MED19: variants seen among roughly 807,000 people sequenced by gnomAD.
The protein encoded by MED19 is mediator of RNA polymerase II transcription subunit 19.
A neutral mutation model predicts 19.9 loss-of-function variants in MED19; 4 were observed. The observed-to-expected ratio is 0.20, with a 90% CI of 0.10 to 0.46. The LOEUF is 0.46. Among genes scored for constraint, MED19 ranks in the 20% least tolerant of loss-of-function variants. MED19 has a pLI of 0.99. For synonymous variants in MED19, 139 were observed against 119.6 expected (o/e 1.16, Z -1.06); for missense variants, 303 against 318.7 (o/e 0.95, Z 0.38).
At chr11:57,706,397 G>A (rs1228854640) in intron 1 of MED19, among the ~76,000 whole-genome samples, 4 of 149,822 alleles carry the variant, frequency 2.7e-5, no homozygotes, top group Non-Finnish European at 5.9e-5. Flanking sequence ...GCCACCCCCC[G>A]CCGCCTCGGT....
In MED19 at chr11:57,704,291, C is replaced by T. The variant is rs1946481692; in HGVS notation, c.666+11G>A. The T allele has an allele frequency of 5.9e-6, 9 of 1,533,550 alleles. No individual in the cohort carries two copies. In the East Asian group the frequency reaches 2.0e-4, roughly 33 times the overall value. 95.0% of individuals were successfully genotyped at this position (1,533,550 alleles called of 1,614,324 possible). A position where few individuals can be genotyped will look rare whatever the true frequency, so the allele number is the denominator to read the frequency against. ...AACTCACTGGGTTGTGGCAATAGGC[C>T]TCTACTCTACCTTCTTTTTCTTCTT... is the stretch of plus-strand genomic sequence containing the variant. On this transcript the variant is annotated intron_variant, in intron 4 of 4. Coordinates refer to ENST00000431606, the Ensembl canonical transcript of MED19.
At chr11:57,712,028 G>A (rs1473121635) in exon 1 of MED19, 6 of 1,536,232 alleles carry the variant, frequency 3.9e-6, no homozygotes, top group Non-Finnish European at 4.4e-6. Context: ...GCCAGGAGGA[G>A]CCGTGGCCGC....
exon 1 of MED19, chr11:57,712,201 G>T: frequency 6.7e-7 from 1 of 1,495,730 alleles, no homozygotes. Context: ...CCCCGGCGCT[G>T]TCTCCGTGTC....
At chr11:57,711,671 G>C (rs1486318795) in intron 1 of MED19, among the ~76,000 whole-genome samples, 2 of 152,112 alleles carry the variant, frequency 1.3e-5, no homozygotes, top group African/African-American at 4.8e-5. Context: ...ATTTTTTAGA[G>C]AGACATAAAC....
chr11:57,709,289 G>C (rs1027587795), intron 1 of MED19, among the ~76,000 whole-genome samples: 2 of 152,020 alleles, frequency 1.3e-5, no homozygotes, highest in East Asian at 3.9e-4. Context: ...GCTGAGGCAG[G>C]AGAATCGCTT....
chr11:57,711,855 T>C, intron 1 of MED19, 108 bp downstream of exon 1: 2 of 1,226,712 alleles, frequency 1.6e-6, no homozygotes, highest in South Asian at 4.0e-5. Context: ...ACAGTCCGGG[T>C]ATGCGTTGCC....
At chr11:57,712,182 T>C in exon 1 of MED19, 1 of 1,519,756 alleles carries the variant, frequency 6.6e-7, no homozygotes, top group Non-Finnish European at 8.8e-7. Context: ...TTCTCCATCG[T>C]ACCCTCCGCC....
chr11:57,705,432 A>T (rs1363396222), intron 1 of MED19, among the ~76,000 whole-genome samples: 1 of 152,126 alleles, frequency 6.6e-6, no homozygotes, highest in Non-Finnish European at 1.5e-5. Context: ...CGGGTGGATC[A>T]CCAGGTCAGG....
chr11:57,710,439 T>TA (rs1946553682), intron 1 of MED19, among the ~76,000 whole-genome samples: 1 of 152,184 alleles, frequency 6.6e-6, no homozygotes, highest in Non-Finnish European at 1.5e-5. Flanking sequence ...AGCCTCTGCC[T>TA]AACTCTCCCA....
intron 1 of MED19, among the ~76,000 whole-genome samples, chr11:57,707,920 C>G (rs1176372308): frequency 6.6e-6 from 1 of 152,198 alleles, no homozygotes; most frequent in East Asian, 1.9e-4. Context: ...GCAATCTCTG[C>G]ATCCTGGGCT....
exon 2 of MED19, chr11:57,704,994 G>A: frequency 1.9e-6 from 3 of 1,613,764 alleles, no homozygotes; most frequent in Non-Finnish European, 2.5e-6. Context: ...GGAGGCGGAA[G>A]CCGGCCAGCA....
Position 57,704,413 on chromosome 11 carries a change from G to A in MED19, c.572-17C>T, listed in dbSNP as rs936334395. ...ATGGTGTTTCTGTAGGAGACATTAG[G>A]TACCTATCACCTGTAAAGCTCAAAA... On this transcript the variant is annotated splice_polypyrimidine_tract_variant and intron_variant, in intron 3 of 4. Coordinates refer to ENST00000431606, the Ensembl canonical transcript of MED19. The A allele has an allele frequency of 6.5e-7, 1 of 1,536,266 alleles. No individual in the cohort carries two copies. Among genetic ancestry groups the A allele is most frequent in the Admixed American group, 2.0e-5 (1 of 49,304 alleles).
intron 1 of MED19, among the ~76,000 whole-genome samples, chr11:57,709,715 T>C (rs896526899): frequency 6.6e-6 from 1 of 152,136 alleles, no homozygotes. Context: ...CATGCTGCTA[T>C]CCCTAGCTAA....
intron 1 of MED19, among the ~76,000 whole-genome samples, chr11:57,709,952 T>C (rs915953540): frequency 1.3e-5 from 2 of 152,228 alleles, no homozygotes; most frequent in African/African-American, 4.8e-5. Flanking sequence ...GTTCAAACCA[T>C]TATCTTTCCT....
chr11:57,704,931 T>C, intron 2 of MED19, 42 bp downstream of exon 2: 1 of 1,606,050 alleles, frequency 6.2e-7, no homozygotes, highest in South Asian at 1.1e-5. Flanking sequence ...CATCTCCATG[T>C]TTAGGCCTCC....
chr11:57,705,020 G>C (rs1414705965), exon 2 of MED19: 1 of 1,614,128 alleles, frequency 6.2e-7, no homozygotes, highest in East Asian at 2.2e-5. Context: ...CCTGTGATAG[G>C]ATTGAAAGAG....
intron 1 of MED19, among the ~76,000 whole-genome samples, chr11:57,707,448 CACAG>C (rs984643711): frequency 5.9e-5 from 9 of 152,150 alleles, no homozygotes; most frequent in African/African-American, 2.2e-4. Context: ...TCCTTGGAGG[CACAG>C]ACAATGTCTT....
chr11:57,709,809 C>T (rs953946830), intron 1 of MED19, among the ~76,000 whole-genome samples: 1 of 152,230 alleles, frequency 6.6e-6, no homozygotes, highest in Non-Finnish European at 1.5e-5. Context: ...AATCCTCCCA[C>T]CTCAGCCTCC....
At chr11:57,706,714 G>C (rs376951772) in intron 1 of MED19, among the ~76,000 whole-genome samples, 2 of 152,120 alleles carry the variant, frequency 1.3e-5, no homozygotes. Context: ...GTTTGGGTGA[G>C]AGAGTGAGAC....
Sources: gnomAD v4.1 joint callset for allele counts (sites outside exome capture counted in the v4.1 genomes callset) on GRCh38, gnomAD v4.1.1 for gene constraint, MANE v1.5 for transcripts, NCBI Gene and HGNC (gene_info 2026-07-23, HGNC 2026-07-21) for gene names.